The following ITPR2 variants were observed in gnomAD, a reference collection of about 807,000 sequenced individuals.
ITPR2 encodes the protein inositol 1,4,5-trisphosphate receptor type 2.
In ITPR2, 207 loss-of-function variants were observed where a neutral mutation model predicts 317.1. The ratio of observed to expected loss-of-function variants is 0.65; its 90% CI spans 0.58 to 0.73. The LOEUF is 0.73. Ranked by LOEUF, ITPR2 falls within the 30% of genes least tolerant of loss-of-function variation. The pLI is 0.00. For synonymous variants in ITPR2, 1,156 were observed against 1,149.1 expected (o/e 1.01, Z -0.12); for missense variants, 2,613 against 3,284.0 (o/e 0.80, Z 4.99).
intron 13 of ITPR2, among the ~76,000 whole-genome samples, chr12:26,669,756 TC>T (rs1947708625): frequency 6.6e-6 from 1 of 152,228 alleles, no homozygotes; most frequent in Non-Finnish European, 1.5e-5. Context: ...ATTGCCTCAC[TC>T]AGGAAGCGCA....
At chr12:26,776,235 T>C (rs1949966273) in intron 2 of ITPR2, among the ~76,000 whole-genome samples, 1 of 152,130 alleles carries the variant, frequency 6.6e-6, no homozygotes, top group South Asian at 2.1e-4. Flanking sequence ...GCAAGGAATT[T>C]AGTGACTCTA....
At chr12:26,455,527 A>C (rs886504615) in intron 45 of ITPR2, among the ~76,000 whole-genome samples, 7 of 152,282 alleles carry the variant, frequency 4.6e-5, no homozygotes, top group Admixed American at 2.6e-4. Flanking sequence ...TAAACTGAAA[A>C]GAGACAAAGA....
chr12:26,475,307 GA>G lies in ITPR2; in HGVS notation c.6330del (p.Leu2111TrpfsTer29). 1 of 1,613,798 alleles carries G rather than the reference GA, an allele frequency of 6.2e-7. No homozygotes were observed. Among genetic ancestry groups the G allele is most frequent in the African/African-American group, 1.3e-5 (1 of 74,986 alleles). On this transcript the variant is annotated frameshift_variant, in exon 45 of 57. Coordinates refer to ENST00000381340, the MANE Select transcript of ITPR2 (RefSeq NM_002223.4). LOFTEE classifies it high-confidence loss of function. Reference protein sequence around the residue: ...SPKDVGHNIYILAHQLARHNK... With the variant: ...SPKDVGHNIYXLAHQLARHNK... The stretch of plus-strand genomic sequence containing the variant: ...ATAAAATGTGACACCTGATGGGCCA[GA>G]ATATAGATATTGTGTCCAACATCTT...
At chr12:26,360,880 T>A (rs894111392) in intron 55 of ITPR2, among the ~76,000 whole-genome samples, 1 of 150,606 alleles carries the variant, frequency 6.6e-6, no homozygotes, top group Non-Finnish European at 1.5e-5. Flanking sequence ...AGTTTACCAA[T>A]TTTTTTTTTC....
chr12:26,514,378 G>A (rs577909744), intron 37 of ITPR2, among the ~76,000 whole-genome samples: 1 of 152,320 alleles, frequency 6.6e-6, no homozygotes, highest in Admixed American at 6.5e-5. Context: ...ATTTACTGCA[G>A]TCATGATGTT....
chr12:26,787,224 TAAG>T (rs1487995651), intron 2 of ITPR2, among the ~76,000 whole-genome samples: 2 of 152,234 alleles, frequency 1.3e-5, no homozygotes, highest in Non-Finnish European at 2.9e-5. Context: ...GCTGGAGCTT[TAAG>T]ATAAGACAGA....
chr12:26,499,835 T>C (rs17395457), intron 37 of ITPR2, among the ~76,000 whole-genome samples: 22,814 of 152,232 alleles, frequency 0.15, 2,332 homozygotes, highest in Non-Finnish European at 0.23. Flanking sequence ...TATATACTTA[T>C]TAGCTAACAT....
At chr12:26,355,140 A>T (rs1030580064) in intron 55 of ITPR2, among the ~76,000 whole-genome samples, 1 of 152,250 alleles carries the variant, frequency 6.6e-6, no homozygotes, top group Non-Finnish European at 1.5e-5. Context: ...TTTGAGAATG[A>T]CCACTGTAGA....
chr12:26,795,646 A>G (rs764031127), intron 1 of ITPR2, among the ~76,000 whole-genome samples: 7 of 152,236 alleles, frequency 4.6e-5, no homozygotes, highest in Non-Finnish European at 1.0e-4. Context: ...GAAGAGTCAC[A>G]AGGCCACTGC....
At chr12:26,401,653 A>T (rs1414033128) in intron 52 of ITPR2, among the ~76,000 whole-genome samples, 1 of 152,198 alleles carries the variant, frequency 6.6e-6, no homozygotes, top group Non-Finnish European at 1.5e-5. Context: ...AAATTTTGGG[A>T]TTATGCAGCC....
intron 45 of ITPR2, among the ~76,000 whole-genome samples, chr12:26,457,641 T>G (rs945277930): frequency 2.6e-5 from 4 of 152,148 alleles, no homozygotes; most frequent in Admixed American, 1.3e-4. Flanking sequence ...TTGAAGGATG[T>G]GGGCAGATTC....
intron 48 of ITPR2, among the ~76,000 whole-genome samples, chr12:26,430,721 T>G (rs11048516): frequency 0.11 from 17,382 of 152,274 alleles, 1,428 homozygotes; most frequent in African/African-American, 0.24. Flanking sequence ...TATACATTTT[T>G]AAATCTTAGA....
At chr12:26,566,465 AGAG>A (rs1340931792) in intron 34 of ITPR2, among the ~76,000 whole-genome samples, 10 of 124,858 alleles carry the variant, frequency 8.0e-5, no homozygotes, top group South Asian at 3.2e-4. Context: ...GGAGGAGAGG[AGAG>A]GAGGAGGAGG....
chr12:26,730,049 G>T (rs1314903574), intron 2 of ITPR2, among the ~76,000 whole-genome samples: 1 of 152,082 alleles, frequency 6.6e-6, no homozygotes, highest in African/African-American at 2.4e-5. Flanking sequence ...GAAAAGAAAA[G>T]TTCTCAGATG....
intron 21 of ITPR2, among the ~76,000 whole-genome samples, chr12:26,637,585 G>A (rs7972342): frequency 0.3 from 46,210 of 151,866 alleles, 7,153 homozygotes; most frequent in South Asian, 0.42. Flanking sequence ...TATATAATAT[G>A]TGCAAAAAAA....
chr12:26,791,173 G>C (rs1024396817), intron 1 of ITPR2, among the ~76,000 whole-genome samples: 4 of 152,148 alleles, frequency 2.6e-5, no homozygotes, highest in African/African-American at 9.7e-5. Context: ...CTGAATCTCT[G>C]AACCGAGAGC....
At chr12:26,673,160 T>C (rs1051549661) in intron 13 of ITPR2, among the ~76,000 whole-genome samples, 12 of 151,952 alleles carry the variant, frequency 7.9e-5, no homozygotes, top group Admixed American at 2.0e-4. Context: ...TTCCAATCAA[T>C]AGAAAAAGAG....
chr12:26,429,848 T>C (rs1295132590), intron 48 of ITPR2, among the ~76,000 whole-genome samples: 2 of 152,258 alleles, frequency 1.3e-5, no homozygotes, highest in African/African-American at 2.4e-5. Flanking sequence ...AGCCAGTTAT[T>C]TGACTTTTCA....
chr12:26,655,401 T>G (rs1266301689), intron 20 of ITPR2, among the ~76,000 whole-genome samples: 1 of 151,552 alleles, frequency 6.6e-6, no homozygotes, highest in African/African-American at 2.4e-5. Context: ...GATCACGAGG[T>G]CAGGACATCG....
Sources: gnomAD v4.1 joint callset for allele counts (sites outside exome capture counted in the v4.1 genomes callset) on GRCh38, gnomAD v4.1.1 for gene constraint, MANE v1.5 for transcripts, NCBI Gene and HGNC (gene_info 2026-07-23, HGNC 2026-07-21) for gene names.